Variants in ERBB4 observed in about 807,000 individuals in gnomAD.
ERBB4 encodes receptor tyrosine-protein kinase erbB-4.
Under a neutral mutation model 158.0 loss-of-function variants are expected in ERBB4, and 42 were observed. The observed-to-expected ratio is 0.27, with a 90% CI of 0.21 to 0.34. The LOEUF (loss-of-function observed/expected upper bound fraction) is 0.34, where lower values mean the gene tolerates loss of function less well. Ranked by LOEUF, ERBB4 falls within the 10% of genes least tolerant of loss-of-function variation. The pLI is 1.00. For missense variants in ERBB4, 1,333 were observed against 1,624.1 expected (o/e 0.82, Z 3.08); for synonymous variants, 583 against 558.7 (o/e 1.04, Z -0.61).
intron 3 of ERBB4, among the ~76,000 whole-genome samples, chr2:211,792,706 A>G (rs2076302442): frequency 6.6e-6 from 1 of 151,912 alleles, no homozygotes. Context: ...TCAGAAAGGT[A>G]TAAACTGCCA....
chr2:212,252,274 C>T (rs1432933233), intron 1 of ERBB4, among the ~76,000 whole-genome samples: 1 of 151,836 alleles, frequency 6.6e-6, no homozygotes, highest in Non-Finnish European at 1.5e-5. Flanking sequence ...GTGGGGAACT[C>T]CAACATTTAG....
At chr2:211,723,693 T>C (rs1408581073) in intron 6 of ERBB4, among the ~76,000 whole-genome samples, 2 of 152,170 alleles carry the variant, frequency 1.3e-5, no homozygotes, top group East Asian at 3.9e-4. Flanking sequence ...TTTTAATTTA[T>C]GGTTATAAAA....
intron 17 of ERBB4, among the ~76,000 whole-genome samples, chr2:211,628,468 C>T (rs1392365950): frequency 2.0e-5 from 3 of 152,132 alleles, no homozygotes; most frequent in Non-Finnish European, 4.4e-5. Flanking sequence ...TGGTTTCCAG[C>T]TTCATCCATG....
chr2:212,369,733 T>A (rs904084577), intron 1 of ERBB4, among the ~76,000 whole-genome samples: 2 of 152,062 alleles, frequency 1.3e-5, no homozygotes, highest in African/African-American at 4.8e-5. Flanking sequence ...CTCACTCTGA[T>A]GCCTGGCTGG....
intron 14 of ERBB4, among the ~76,000 whole-genome samples, chr2:211,672,221 A>C (rs2071871178): frequency 6.6e-6 from 1 of 152,176 alleles, no homozygotes; most frequent in Non-Finnish European, 1.5e-5. Flanking sequence ...TTAAATTTTC[A>C]ATGAAATTGT....
At chr2:211,953,315 A>G (rs1575428212) in intron 2 of ERBB4, among the ~76,000 whole-genome samples, 1 of 152,114 alleles carries the variant, frequency 6.6e-6, no homozygotes, top group East Asian at 1.9e-4. Flanking sequence ...GCAAACCACC[A>G]TGGCACATGT....
At chr2:211,538,983 A>G (rs2066728793) in intron 20 of ERBB4, among the ~76,000 whole-genome samples, 1 of 151,932 alleles carries the variant, frequency 6.6e-6, no homozygotes, top group Middle Eastern at 3.2e-3. Context: ...GAACTAAAGT[A>G]TAAGAATCTG....
intron 3 of ERBB4, among the ~76,000 whole-genome samples, chr2:211,897,440 C>CA (rs199740793): frequency 0.093 from 9,372 of 100,994 alleles, 340 homozygotes; most frequent in African/African-American, 0.13. Context: ...GTATAATTTG[C>CA]AAAAAAAAAA....
chr2:211,921,615 G>A (rs1228977110), intron 3 of ERBB4, among the ~76,000 whole-genome samples: 2 of 152,006 alleles, frequency 1.3e-5, no homozygotes. Context: ...CAGTAAACAT[G>A]TTTTAACAAT....
At chr2:212,364,517 C>T (rs2106369222) in intron 1 of ERBB4, among the ~76,000 whole-genome samples, 1 of 151,842 alleles carries the variant, frequency 6.6e-6, no homozygotes, top group East Asian at 1.9e-4. Flanking sequence ...TCCCAGAAGG[C>T]TCATACTTAT....
At chr2:212,504,421 AAT>A (rs761392481) in intron 1 of ERBB4, among the ~76,000 whole-genome samples, 12 of 152,078 alleles carry the variant, frequency 7.9e-5, no homozygotes, top group Non-Finnish European at 1.6e-4. Context: ...GAATTACTTA[AAT>A]ATATATGTCT....
intron 2 of ERBB4, among the ~76,000 whole-genome samples, chr2:212,093,350 T>G (rs538837529): frequency 6.6e-6 from 1 of 152,280 alleles, no homozygotes; most frequent in East Asian, 1.9e-4. Flanking sequence ...GATTAAAAAA[T>G]TAGAGAATTA....
chr2:211,503,627 G>A (rs1199825611), intron 20 of ERBB4, among the ~76,000 whole-genome samples: 1 of 152,142 alleles, frequency 6.6e-6, no homozygotes, highest in African/African-American at 2.4e-5. Flanking sequence ...TTGGGCACAG[G>A]TGGCTCAGAA....
intron 1 of ERBB4, among the ~76,000 whole-genome samples, chr2:212,202,870 T>C (rs2082628055): frequency 6.6e-6 from 1 of 152,016 alleles, no homozygotes. Context: ...ACTATTAGTT[T>C]TATGTATATT....
chr2:212,446,998 T>G (rs953731159), intron 1 of ERBB4, among the ~76,000 whole-genome samples: 4 of 148,092 alleles, frequency 2.7e-5, no homozygotes, highest in Non-Finnish European at 6.0e-5. Flanking sequence ...AATTTTTCTT[T>G]TTTTTTTTTT....
intron 3 of ERBB4, among the ~76,000 whole-genome samples, chr2:211,794,114 T>C (rs968287634): frequency 1.3e-5 from 2 of 151,980 alleles, no homozygotes; most frequent in Non-Finnish European, 2.9e-5. Context: ...AAAATCAGCT[T>C]AAGATAGAAA....
chr2:211,891,971 C>T (rs1220967637), intron 3 of ERBB4, among the ~76,000 whole-genome samples: 2 of 137,456 alleles, frequency 1.5e-5, no homozygotes. Context: ...TGACTTCTAC[C>T]AGAGGTACAA....
At chr2:211,618,863 A>G (rs1321268216) in intron 19 of ERBB4, among the ~76,000 whole-genome samples, 1 of 152,070 alleles carries the variant, frequency 6.6e-6, no homozygotes, top group African/African-American at 2.4e-5. Flanking sequence ...CTATTTGGTT[A>G]TATTTAACAA....
In ERBB4 at chr2:211,764,357, C is replaced by T. The variant is rs140192656; in HGVS notation, c.557-13653G>A. 6.0e-3 allele frequency among the ~76,000 whole-genome samples: 914 copies of T among 152,278 alleles called. 8 individuals carry two copies. The highest frequency in any genetic ancestry group is 0.021 in the African/African-American group (874 of 41,562). On this transcript the variant is annotated intron_variant, in intron 4 of 27. Transcript: ENST00000342788. ...TCTAAATAAATATCAGTTCTATTAC[C>T]TATCTTTCAGCTCCAGTTTTCTGTT... is the stretch of plus-strand genomic sequence containing the variant.
Sources: gnomAD v4.1 joint callset for allele counts (sites outside exome capture counted in the v4.1 genomes callset) on GRCh38, gnomAD v4.1.1 for gene constraint, MANE v1.5 for transcripts, NCBI Gene and HGNC (gene_info 2026-07-23, HGNC 2026-07-21) for gene names.